The following ANKRD16 variants were observed in gnomAD, a reference collection of about 807,000 sequenced individuals.
ANKRD16 encodes ankyrin repeat domain-containing protein 16.
In ANKRD16, 35 loss-of-function variants were observed where a neutral mutation model predicts 37.9. The ratio of observed to expected loss-of-function variants is 0.92; its 90% CI spans 0.71 to 1.23. ANKRD16 has a LOEUF of 1.23. Among genes scored for constraint, ANKRD16 ranks in the 50% most tolerant of loss-of-function variants. ANKRD16 has a pLI of 0.00. For missense variants in ANKRD16, 480 were observed against 469.9 expected (o/e 1.02, Z -0.20); for synonymous variants, 206 against 197.2 (o/e 1.04, Z -0.37).
Position 5,869,248 on chromosome 10 carries a change from G to C in ANKRD16, c.*34-6557C>G, listed in dbSNP as rs1241849610. 1.3e-5 allele frequency among the ~76,000 whole-genome samples: 2 copies of C among 152,180 alleles called. No individual in the cohort carries two copies. The highest frequency in any genetic ancestry group is 4.8e-5 in the African/African-American group (2 of 41,430). The stretch of plus-strand genomic sequence containing the variant: ...TGGCCGTGGTGATAGTTTCCTGGGA[G>C]CACAAATATGTCTGAATTAATCAAA... On this transcript the variant is annotated intron_variant, in intron 7 of 7. Transcript: ENST00000380094. The surrounding 1 kb of genome is among the most constrained non-coding windows in gnomAD (Gnocchi z 4.0).
chr10:5,885,715 G>T lies in ANKRD16; in HGVS notation c.578+8C>A, dbSNP rs374675483. Reference sequence around the variant, plus strand: ...AATATTTTCCCTGACTTGCTGTATTGTTCTTACCTCTTAAGAAGCACCTTG... The same window carrying T: ...AATATTTTCCCTGACTTGCTGTATTTTTCTTACCTCTTAAGAAGCACCTTG... On this transcript the variant is annotated splice_region_variant and intron_variant, in intron 3 of 7. Coordinates refer to ENST00000380094, the MANE Select transcript of ANKRD16 (RefSeq NM_019046.3). The T allele has an allele frequency of 2.5e-6, 4 of 1,613,110 alleles. No individual in the cohort carries two copies. In the African/African-American group the frequency reaches 5.3e-5, roughly 22 times the overall value.
Position 5,878,822 on chromosome 10 carries a change from G to T in ANKRD16, c.929-535C>A, listed in dbSNP as rs1371802348. On this transcript the variant is annotated intron_variant, in intron 6 of 7. Coordinates refer to ENST00000380094, the MANE Select transcript of ANKRD16 (RefSeq NM_019046.3). This position sits in a 1 kb window ranked among gnomAD's most constrained non-coding sequence, Gnocchi z 5.1. Reference sequence around the variant, plus strand: ...AAAAAGAAAAAGAAACTTATCTAAAGCAAGAAGCAACAGAGCAAGTTAACA... The same window carrying T: ...AAAAAGAAAAAGAAACTTATCTAAATCAAGAAGCAACAGAGCAAGTTAACA... Among the ~76,000 whole-genome samples the T allele has an allele frequency of 6.6e-6, 1 of 150,920 alleles. No homozygotes were observed. Among genetic ancestry groups the T allele is most frequent in the Admixed American group, 6.6e-5 (1 of 15,146 alleles).
rs187841555 is a variant in ANKRD16, at chr10:5,878,973, C to T, written c.929-686G>A. ...GTAAAAATATCACCACAAATAATCACGTAGCCAAAAAAACACTTTTGAACA... is the reference window on the plus strand; with the variant it reads ...GTAAAAATATCACCACAAATAATCATGTAGCCAAAAAAACACTTTTGAACA... On this transcript the variant is annotated intron_variant, in intron 6 of 7. Coordinates refer to ENST00000380094, the MANE Select transcript of ANKRD16 (RefSeq NM_019046.3). This position sits in a 1 kb window ranked among gnomAD's most constrained non-coding sequence, Gnocchi z 5.1. Among the ~76,000 whole-genome samples, 25 of 152,248 alleles carry T rather than the reference C, an allele frequency of 1.6e-4. No homozygotes were observed. The highest frequency in any genetic ancestry group is 3.1e-4 in the Non-Finnish European group (21 of 68,012).
intron 7 of ANKRD16, among the ~76,000 whole-genome samples, chr10:5,872,448 C>T (rs946339470): frequency 1.4e-4 from 21 of 152,222 alleles, no homozygotes; most frequent in Admixed American, 1.1e-3. Context: ...CACTATACCC[C>T]GGCCTGGGTG....
At chr10:5,883,225 G>C in intron 4 of ANKRD16, 58 bp from the exon 5 acceptor site, 1 of 1,565,004 alleles carries the variant, frequency 6.4e-7, no homozygotes, top group African/African-American at 1.4e-5. Flanking sequence ...GGGCAACTTA[G>C]ATCTGGGCAT....
At chr10:5,879,441 C>G (rs1343477630) in intron 6 of ANKRD16, among the ~76,000 whole-genome samples, 1 of 151,304 alleles carries the variant, frequency 6.6e-6, no homozygotes. Context: ...GCCCTCCAGA[C>G]TGGGTGACAG....
chr10:5,882,424 C>A (rs555815633), intron 5 of ANKRD16, among the ~76,000 whole-genome samples: 1 of 151,568 alleles, frequency 6.6e-6, no homozygotes, highest in East Asian at 1.9e-4. Context: ...CACCTGTAAT[C>A]CAGCCTGGGC....
chr10:5,883,303 G>C, intron 4 of ANKRD16, 136 bp from the exon 5 acceptor site: 1 of 910,294 alleles, frequency 1.1e-6, no homozygotes, highest in South Asian at 1.8e-5. Context: ...TGTGGCTTTT[G>C]TCTGATTTTC....
intron 7 of ANKRD16, among the ~76,000 whole-genome samples, chr10:5,877,154 C>A (rs919800765): frequency 3.9e-5 from 6 of 152,132 alleles, no homozygotes; most frequent in Non-Finnish European, 5.9e-5. Flanking sequence ...GCTCTGTCGC[C>A]CAGGCTGGAG....
rs113394387 is a variant in ANKRD16 at position 5,865,971 on chromosome 10, A to G, written c.*34-3280T>C. On this transcript the variant is annotated intron_variant, in intron 7 of 7. Coordinates refer to ENST00000380094, the MANE Select transcript of ANKRD16 (RefSeq NM_019046.3). This position sits in a 1 kb window ranked among gnomAD's most constrained non-coding sequence, Gnocchi z 4.7. The stretch of plus-strand genomic sequence containing the variant: ...AACCAGTGGCATACCTAAGTAAGGA[A>G]ACTGATATAGTAGCAAAAGGCTGGC... Among the ~76,000 whole-genome samples, 1,956 of 152,294 alleles carry G rather than the reference A, an allele frequency of 0.013. 28 individuals carry two copies. The highest frequency in any genetic ancestry group is 0.038 in the African/African-American group (1,567 of 41,570).
chr10:5,887,689 G>A (rs992605222), intron 2 of ANKRD16, among the ~76,000 whole-genome samples, 158 bp downstream of exon 2: 3 of 53,108 alleles, frequency 5.6e-5, no homozygotes, highest in Admixed American at 3.4e-4. Context: ...CCGCGCCCCC[G>A]CCCCCACCCC....
At position 5,869,174 on chromosome 10, in the gene ANKRD16, A is replaced by G. The variant is rs1842055034; in HGVS notation, c.*34-6483T>C. Among the ~76,000 whole-genome samples the G allele has an allele frequency of 6.6e-6, 1 of 152,154 alleles. No homozygotes were observed. Among genetic ancestry groups the G allele is most frequent in the Non-Finnish European group, 1.5e-5 (1 of 68,038 alleles). On this transcript the variant is annotated intron_variant, in intron 7 of 7. Transcript: ENST00000380094. The surrounding 1 kb of genome is among the most constrained non-coding windows in gnomAD (Gnocchi z 4.0). ...TCTTCCAATGTGGCCCAAGGGAGAC[A>G]AAAGATTAGATACCCTGCTTTTGGA...
In ANKRD16 at chr10:5,884,074, G is replaced by T; in HGVS notation, c.582C>A (p.Cys194Ter). 6.2e-7 allele frequency: 1 copy of T among 1,613,494 alleles called. No homozygotes were observed. Among genetic ancestry groups the T allele is most frequent in the Non-Finnish European group, 8.5e-7 (1 of 1,179,848 alleles). Reference protein sequence around the residue: ...LEAVKVLLKRCQYEPDYRDNC... With the variant: ...LEAVKVLLKR Reference sequence around the variant, plus strand: ...TGTCTCTGTAGTCTGGTTCATATTGGCACCTAGAGCCAAAACCCCAAGTAA... The same window carrying T: ...TGTCTCTGTAGTCTGGTTCATATTGTCACCTAGAGCCAAAACCCCAAGTAA... The change falls in exon 4 of 8, where the codon TGC becomes TGA. Residue 194 changes from cysteine to a stop codon, truncating the protein, a stop_gained. Coordinates refer to ENST00000380094, the MANE Select transcript of ANKRD16 (RefSeq NM_019046.3). LOFTEE classifies it high-confidence loss of function.
intron 2 of ANKRD16, 57 bp downstream of exon 2, chr10:5,887,790 T>C: frequency 7.0e-7 from 1 of 1,434,778 alleles, no homozygotes; most frequent in South Asian, 1.2e-5. Flanking sequence ...GGTTGGGCAG[T>C]GCTGGGTGAA....
At position 5,872,769 on chromosome 10, in the gene ANKRD16, G is replaced by A. The variant is rs538101682; in HGVS notation, c.*33+5328C>T. On this transcript the variant is annotated intron_variant, in intron 7 of 7. Transcript: ENST00000380094. ...GACGGGATTTCACCGTGTTAGCCAAGATGGTCTTAATTTCCTGACCTCGTG... is the reference window on the plus strand; with the variant it reads ...GACGGGATTTCACCGTGTTAGCCAAAATGGTCTTAATTTCCTGACCTCGTG... Among the ~76,000 whole-genome samples the A allele has an allele frequency of 1.8e-4, 28 of 152,048 alleles. No homozygotes were observed. The East Asian group carries it at 4.5e-3, about 24-fold the overall frequency.
intron 5 of ANKRD16, among the ~76,000 whole-genome samples, chr10:5,881,689 ATTTTT>A (rs71388495): frequency 8.8e-6 from 1 of 113,222 alleles, no homozygotes; most frequent in Non-Finnish European, 1.8e-5. Flanking sequence ...GATGGTCTTG[ATTTTT>A]TTTTTTTTTT....
Position 5,887,356 on chromosome 10 carries a change from C to G in ANKRD16, c.535+491G>C, listed in dbSNP as rs544706912. 1.3e-4 allele frequency among the ~76,000 whole-genome samples: 19 copies of G among 148,056 alleles called. 1 individual carries two copies. In the South Asian group the frequency reaches 3.7e-3, roughly 29 times the overall value. ...GTTAACTTTAGAAATTGATTATATG[C>G]CAAAAGGCCCCTAGATGCTTTTTTT... On this transcript the variant is annotated intron_variant, in intron 2 of 7. Transcript: ENST00000380094.
chr10:5,883,278 T>C (rs1008936896), intron 4 of ANKRD16, 111 bp from the exon 5 acceptor site: 6 of 1,095,906 alleles, frequency 5.5e-6, no homozygotes, highest in African/African-American at 1.6e-5. Flanking sequence ...CGCACAACTC[T>C]CTGGGCAGAG....
rs1254498254 is a variant in ANKRD16, at chr10:5,889,786, G to C, written c.-432C>G. ...CGCTACACCGCAAAGCCCCAAAGTGGAGGGTCCGGGAGGGCGCGCACAGCC... is the reference window on the plus strand; with the variant it reads ...CGCTACACCGCAAAGCCCCAAAGTGCAGGGTCCGGGAGGGCGCGCACAGCC... On this transcript the variant is annotated 5_prime_UTR_variant, in exon 1 of 8. Transcript: ENST00000380094. 1.3e-5 allele frequency: 2 copies of C among 156,826 alleles called. No homozygotes were observed. Among genetic ancestry groups the C allele is most frequent in the African/African-American group, 4.8e-5 (2 of 41,638 alleles). 9.7% of individuals were successfully genotyped at this position (156,826 alleles called of 1,614,324 possible). A position where few individuals can be genotyped will look rare whatever the true frequency, so the allele number is the denominator to read the frequency against.
Sources: gnomAD v4.1 joint callset for allele counts (sites outside exome capture counted in the v4.1 genomes callset) on GRCh38, gnomAD v4.1.1 for gene constraint, Gnocchi (gnomAD v3.1) non-coding constraint, MANE v1.5 for transcripts, NCBI Gene and HGNC (gene_info 2026-07-23, HGNC 2026-07-21) for gene names.